The following SEMA3C variants were observed in gnomAD, a reference collection of about 807,000 sequenced individuals.
SEMA3C encodes semaphorin-3C.
SEMA3C carries 47 observed loss-of-function variants against 89.4 expected under a neutral mutation model. That is an observed-to-expected ratio of 0.53 (90% CI 0.42 to 0.67). The LOEUF is 0.67. Ranked by LOEUF, SEMA3C falls within the 30% of genes least tolerant of loss-of-function variation. SEMA3C has a pLI of 0.00. For missense variants in SEMA3C, 839 were observed against 929.1 expected (o/e 0.90, Z 1.26); for synonymous variants, 310 against 320.2 (o/e 0.97, Z 0.34).
At chr7:80,890,221 A>G (rs1791578802) in intron 2 of SEMA3C, among the ~76,000 whole-genome samples, 1 of 152,146 alleles carries the variant, frequency 6.6e-6, no homozygotes, top group Admixed American at 6.5e-5. Context: ...AGGACAAGAA[A>G]AAAAGACAGC....
At chr7:80,900,984 A>C (rs976120710) in intron 2 of SEMA3C, among the ~76,000 whole-genome samples, 3 of 152,214 alleles carry the variant, frequency 2.0e-5, no homozygotes, top group African/African-American at 7.2e-5. Flanking sequence ...AAATTGGGAA[A>C]TATTGTGCCA....
At chr7:80,820,075 A>G (rs1396020682) in intron 4 of SEMA3C, among the ~76,000 whole-genome samples, 4 of 60,484 alleles carry the variant, frequency 6.6e-5, no homozygotes, top group Non-Finnish European at 1.0e-4. Flanking sequence ...TTTTTTTTTT[A>G]GAGACAGAGT....
chr7:80,790,165 T>C (rs1788903029), intron 11 of SEMA3C, among the ~76,000 whole-genome samples: 1 of 152,038 alleles, frequency 6.6e-6, no homozygotes, highest in Admixed American at 6.6e-5. Flanking sequence ...ATGCCTGCGA[T>C]CCCAACTCCT....
chr7:80,777,165 T>C (rs545474893), intron 12 of SEMA3C, among the ~76,000 whole-genome samples: 1 of 152,310 alleles, frequency 6.6e-6, no homozygotes, highest in East Asian at 1.9e-4. Context: ...AGAGATGTTA[T>C]ATAATTTCCT....
chr7:80,863,834 T>TCACATAC, intron 2 of SEMA3C, among the ~76,000 whole-genome samples: 1 of 135,370 alleles, frequency 7.4e-6, no homozygotes. Flanking sequence ...TGATATGTGA[T>TCACATAC]ATATATATCA....
At chr7:80,815,539 C>T (rs1239058311) in intron 5 of SEMA3C, among the ~76,000 whole-genome samples, 45 of 86,464 alleles carry the variant, frequency 5.2e-4, no homozygotes, top group African/African-American at 1.6e-3. Flanking sequence ...AAACCCAATC[C>T]TTTCTTTAAA....
chr7:80,906,798 G>A (rs1792026768), intron 2 of SEMA3C, among the ~76,000 whole-genome samples: 2 of 152,124 alleles, frequency 1.3e-5, no homozygotes, highest in Non-Finnish European at 2.9e-5. Flanking sequence ...GATATAAGGG[G>A]AGAGGCAAGC....
chr7:80,843,117 A>G (rs541223215), intron 2 of SEMA3C, among the ~76,000 whole-genome samples: 2 of 152,274 alleles, frequency 1.3e-5, no homozygotes, highest in Admixed American at 6.5e-5. Flanking sequence ...GATAGAAGTA[A>G]TAAGTTCTAA....
intron 4 of SEMA3C, among the ~76,000 whole-genome samples, chr7:80,826,083 A>G (rs1174063806): frequency 6.6e-6 from 1 of 152,024 alleles, no homozygotes; most frequent in Admixed American, 6.6e-5. Flanking sequence ...CAGAGATCCT[A>G]CCCTCCAGAG....
intron 2 of SEMA3C, among the ~76,000 whole-genome samples, chr7:80,873,944 T>C (rs1038346395): frequency 6.6e-6 from 1 of 152,154 alleles, no homozygotes; most frequent in Non-Finnish European, 1.5e-5. Flanking sequence ...GTTTTTCCCA[T>C]GCTGAAAGCT....
intron 12 of SEMA3C, among the ~76,000 whole-genome samples, chr7:80,771,907 C>T (rs1050218345): frequency 4.6e-5 from 7 of 152,290 alleles, no homozygotes; most frequent in Non-Finnish European, 8.8e-5. Flanking sequence ...TCAGCCTAGG[C>T]AGCCCCGTAC....
intron 12 of SEMA3C, among the ~76,000 whole-genome samples, chr7:80,782,826 A>G (rs1788719548): frequency 6.6e-6 from 1 of 152,198 alleles, no homozygotes; most frequent in South Asian, 2.1e-4. Flanking sequence ...TCTTCATATG[A>G]TATTTATAAG....
chr7:80,873,977 C>T (rs1791136870), intron 2 of SEMA3C, among the ~76,000 whole-genome samples: 1 of 152,142 alleles, frequency 6.6e-6, no homozygotes, highest in Admixed American at 6.5e-5. Context: ...TGCAACTCAA[C>T]TTACCTTCTC....
intron 5 of SEMA3C, among the ~76,000 whole-genome samples, chr7:80,811,791 T>C (rs761904779): frequency 2.0e-5 from 3 of 152,136 alleles, no homozygotes; most frequent in Non-Finnish European, 4.4e-5. Flanking sequence ...TAGTTTCCTA[T>C]TACAAGAGTC....
chr7:80,754,657 A>G (rs1449189300), intron 15 of SEMA3C, among the ~76,000 whole-genome samples: 1 of 152,240 alleles, frequency 6.6e-6, no homozygotes, highest in South Asian at 2.1e-4. Flanking sequence ...GAAACTTCCA[A>G]TATGCTAGTC....
chr7:80,878,965 G>A (rs1426437465), intron 2 of SEMA3C, among the ~76,000 whole-genome samples: 1 of 152,126 alleles, frequency 6.6e-6, no homozygotes, highest in Non-Finnish European at 1.5e-5. Context: ...AAGAACAGTG[G>A]CCCATGTCAA....
At chr7:80,862,101 G>A (rs905931547) in intron 2 of SEMA3C, among the ~76,000 whole-genome samples, 2 of 152,096 alleles carry the variant, frequency 1.3e-5, no homozygotes, top group African/African-American at 4.8e-5. Flanking sequence ...AGAGCAATCA[G>A]ACAAGAGAAA....
chr7:80,842,495 C>A (rs886808230), intron 2 of SEMA3C, among the ~76,000 whole-genome samples: 1 of 152,108 alleles, frequency 6.6e-6, no homozygotes, highest in Non-Finnish European at 1.5e-5. Context: ...CAAACATTAG[C>A]CATGACTTTC....
intron 6 of SEMA3C, 105 bp downstream of exon 6, chr7:80,810,506 C>T: frequency 1.3e-6 from 1 of 741,198 alleles, no homozygotes; most frequent in South Asian, 1.9e-5. Flanking sequence ...TATTATTTTA[C>T]TCACATACTA....
Sources: allele counts gnomAD v4.1 joint callset (sites outside exome capture counted in the v4.1 genomes callset), GRCh38; gene constraint gnomAD v4.1.1; transcripts MANE v1.5; gene names NCBI Gene and HGNC (gene_info 2026-07-23, HGNC 2026-07-21).